LMO1: variants seen among roughly 807,000 people sequenced by gnomAD.
LMO1 encodes LIM domain only 1, also known as rhombotin-1.
In LMO1, 10 loss-of-function variants were observed where a neutral mutation model predicts 18.0. The observed-to-expected ratio is 0.55, with a 90% CI of 0.34 to 0.94. The LOEUF is 0.94. LMO1 is among the 40% of genes least tolerant of loss of function. The pLI, the probability that LMO1 is intolerant of heterozygous loss-of-function variation, is 0.02. For missense variants in LMO1, 183 were observed against 205.7 expected, an observed-to-expected ratio of 0.89 and a Z score of 0.68; for synonymous variants, 77 against 77.9, an observed-to-expected ratio of 0.99 and a Z score of 0.06.
chr11:8,259,231 C>A (rs548350446), intron 1 of LMO1, among the ~76,000 whole-genome samples: 3 of 152,306 alleles, frequency 2.0e-5, no homozygotes, highest in African/African-American at 4.8e-5. Context: ...CCCTGTCCCC[C>A]CTTAGTGCTG....
upstream of LMO1, among the ~76,000 whole-genome samples, chr11:8,267,514 G>T (rs139573114): frequency 6.6e-6 from 1 of 152,268 alleles, no homozygotes; most frequent in Non-Finnish European, 1.5e-5. Context: ...CTCGGCGGAT[G>T]GTCTCTGGGT....
chr11:8,243,849 G>A (rs913595585), intron 1 of LMO1, among the ~76,000 whole-genome samples: 1 of 152,208 alleles, frequency 6.6e-6, no homozygotes, highest in Non-Finnish European at 1.5e-5. Flanking sequence ...AGCTTCGGCT[G>A]CAGCCCCCCA....
At chr11:8,259,026 C>T (rs1847143566) in intron 1 of LMO1, among the ~76,000 whole-genome samples, 1 of 152,208 alleles carries the variant, frequency 6.6e-6, no homozygotes, top group South Asian at 2.1e-4. Flanking sequence ...TGCCTCCCCT[C>T]GCTAATGCCA....
In LMO1 at chr11:8,227,222, C is replaced by T. The variant is rs1952563979; in HGVS notation, c.240-122G>A. ...CCAACTTGTGGGCTCAGCAGGTGGG[C>T]TCAGGCAATAGGATAAGAGCACTGA... On this transcript the variant is annotated intron_variant, in intron 2 of 3. Coordinates refer to ENST00000335790, the MANE Select transcript of LMO1 (RefSeq NM_002315.3). 23 of 1,483,622 alleles carry T rather than the reference C, an allele frequency of 1.6e-5. No individual in the cohort carries two copies. The South Asian group carries it at 2.9e-4, about 19-fold the overall frequency. The allele number at this position is 1,483,622 out of a possible 1,614,324, so 91.9% of individuals were successfully genotyped here. A position where few individuals can be genotyped will look rare whatever the true frequency, so the allele number is the denominator to read the frequency against.
rs549310247 is a variant in LMO1 at position 8,254,412 on chromosome 11, C to T, written c.25+8926G>A. Among the ~76,000 whole-genome samples the T allele has an allele frequency of 7.2e-5, 11 of 152,314 alleles. No individual in the cohort carries two copies. The South Asian group carries it at 2.3e-3, about 32-fold the overall frequency. On this transcript the variant is annotated intron_variant, in intron 1 of 3. Transcript: ENST00000335790. ...AGCTGGTTTATGAATGTACACAGGC[C>T]TCTCACCAGCCCACTTACCACCCCA... is the stretch of plus-strand genomic sequence containing the variant.
At chr11:8,260,152 A>T (rs538343958) in intron 1 of LMO1, among the ~76,000 whole-genome samples, 16 of 151,700 alleles carry the variant, frequency 1.1e-4, no homozygotes, top group Admixed American at 8.5e-4. Flanking sequence ...GCCCTCTCAG[A>T]CTCTCTGCTG....
chr11:8,233,837 A>C (rs936093446), intron 1 of LMO1, among the ~76,000 whole-genome samples: 1 of 152,066 alleles, frequency 6.6e-6, no homozygotes, highest in Non-Finnish European at 1.5e-5. Context: ...GCTGAAGTCC[A>C]TTTGGGATCC....
intron 1 of LMO1, among the ~76,000 whole-genome samples, chr11:8,233,076 T>C (rs1254939428): frequency 6.6e-6 from 1 of 152,198 alleles, no homozygotes; most frequent in African/African-American, 2.4e-5. Flanking sequence ...GGCTGGCCTC[T>C]GCACAGGCAG....
intron 3 of LMO1, among the ~76,000 whole-genome samples, chr11:8,226,094 G>T (rs1040244209): frequency 1.3e-5 from 2 of 152,204 alleles, no homozygotes; most frequent in African/African-American, 4.8e-5. Context: ...TTGCCCTCCA[G>T]ATTTGGGAAC....
rs1846779259 is a variant in LMO1, at chr11:8,240,895, A to G, written c.26-10391T>C. On this transcript the variant is annotated intron_variant, in intron 1 of 3. Coordinates refer to ENST00000335790, the MANE Select transcript of LMO1 (RefSeq NM_002315.3). ...AGGTGTAGATGCAGTCTGCTCTCAC[A>G]GCCTCACATAATTTTCTGTGGTTCT... Among the ~76,000 whole-genome samples, 5 of 152,146 alleles carry G rather than the reference A, an allele frequency of 3.3e-5. No individual in the cohort carries two copies. The South Asian group carries it at 1.0e-3, about 32-fold the overall frequency.
chr11:8,230,797 T>C (rs1484110174), intron 1 of LMO1, among the ~76,000 whole-genome samples: 2 of 152,172 alleles, frequency 1.3e-5, no homozygotes, highest in African/African-American at 4.8e-5. Context: ...TGTTCCTCCC[T>C]ACCATGGCCT....
At chr11:8,236,984 G>T (rs1952771169) in intron 1 of LMO1, among the ~76,000 whole-genome samples, 1 of 152,196 alleles carries the variant, frequency 6.6e-6, no homozygotes, top group Admixed American at 6.5e-5. Context: ...AAGTGGATCA[G>T]AGCTTAGAAT....
Position 8,224,393 on chromosome 11 carries a change from C to T in LMO1, c.*223G>A, listed in dbSNP as rs1208641519. On this transcript the variant is annotated 3_prime_UTR_variant, in exon 4 of 4. Transcript: ENST00000335790. The stretch of plus-strand genomic sequence containing the variant: ...TAAAATAAATGTTCCCATTTATATA[C>T]AGAAGACAGACTGTACAGGCCCGGC... The T allele has an allele frequency of 1.3e-5, 7 of 550,102 alleles. No individual in the cohort carries two copies. The highest frequency in any genetic ancestry group is 2.3e-5 in the Non-Finnish European group (7 of 308,658). 34.1% of individuals were successfully genotyped at this position (550,102 alleles called of 1,614,324 possible).
rs541387721 is a variant in LMO1 at position 8,262,744 on chromosome 11, G to C, written c.25+594C>G. Among the ~76,000 whole-genome samples the C allele has an allele frequency of 3.7e-4, 56 of 152,286 alleles. 1 individual carries two copies. The highest frequency in any genetic ancestry group is 1.3e-3 in the African/African-American group (54 of 41,580). On this transcript the variant is annotated intron_variant, in intron 1 of 3. Transcript: ENST00000335790. Reference sequence around the variant, plus strand: ...AGCTAGCGGGCCGGCACAAGAGGCGGCTCTCTTTCTCACCGAGTCACGCTC... The same window carrying C: ...AGCTAGCGGGCCGGCACAAGAGGCGCCTCTCTTTCTCACCGAGTCACGCTC...
upstream of LMO1, chr11:8,263,959 G>A: frequency 1.2e-6 from 1 of 816,144 alleles, no homozygotes; most frequent in Non-Finnish European, 1.5e-6. Context: ...GAGTGGAGAC[G>A]CACGGCTGTC....
intron 2 of LMO1, among the ~76,000 whole-genome samples, chr11:8,229,789 T>G (rs1038978762): frequency 6.6e-6 from 1 of 152,190 alleles, no homozygotes; most frequent in Non-Finnish European, 1.5e-5. Flanking sequence ...TCCTAGGATA[T>G]GGCTGCCTGC....
upstream of LMO1, among the ~76,000 whole-genome samples, chr11:8,268,125 C>G (rs1306106203): frequency 6.6e-6 from 1 of 152,240 alleles, no homozygotes; most frequent in African/African-American, 2.4e-5. Flanking sequence ...CGCAAGGCGG[C>G]AAGAGTCCGT....
At chr11:8,237,682 C>G (rs1348822205) in intron 1 of LMO1, among the ~76,000 whole-genome samples, 1 of 152,258 alleles carries the variant, frequency 6.6e-6, no homozygotes, top group Admixed American at 6.5e-5. Flanking sequence ...CTCCAGCTCC[C>G]CACGAGGGCA....
chr11:8,232,087 C>G (rs1011214375), intron 1 of LMO1, among the ~76,000 whole-genome samples: 1 of 152,166 alleles, frequency 6.6e-6, no homozygotes, highest in Non-Finnish European at 1.5e-5. Context: ...CAGCTGGCTC[C>G]TCAGACTTCT....
Sources: allele counts gnomAD v4.1 joint callset (sites outside exome capture counted in the v4.1 genomes callset), GRCh38; gene constraint gnomAD v4.1.1; transcripts MANE v1.5; gene names NCBI Gene and HGNC (gene_info 2026-07-23, HGNC 2026-07-21).